The following POU3F1 variants were observed in gnomAD, a reference collection of about 807,000 sequenced individuals.
POU3F1 encodes the protein POU domain, class 3, transcription factor 1.
In POU3F1, 1 loss-of-function variant was observed where a neutral mutation model predicts 7.6. The ratio of observed to expected loss-of-function variants is 0.13; its 90% confidence interval spans 0.05 to 0.62. POU3F1 has a LOEUF of 0.62. Among genes scored for constraint, POU3F1 ranks in the 20% least tolerant of loss-of-function variants. The pLI, the probability that POU3F1 is intolerant of heterozygous loss-of-function variation, is 0.87. For missense variants in POU3F1, 505 were observed against 679.3 expected, an observed-to-expected ratio of 0.74 and a Z score of 2.85; for synonymous variants, 354 against 339.0, an observed-to-expected ratio of 1.04 and a Z score of -0.49.
At position 38,043,938 on chromosome 1, in the gene POU3F1, C is replaced by G. The variant is rs374636908; in HGVS notation, c.*1450G>C. Among the ~76,000 whole-genome samples the G allele has an allele frequency of 6.6e-6, 1 of 151,240 alleles. No individual in the cohort carries two copies. Among genetic ancestry groups the G allele is most frequent in the Admixed American group, 6.6e-5 (1 of 15,176 alleles). Reference sequence around the variant, plus strand: ...CAATAAAGATACAAAGAGAATGCACCGAAACATTGTTTCAAAAAATAATAA... The same window carrying G: ...CAATAAAGATACAAAGAGAATGCACGGAAACATTGTTTCAAAAAATAATAA... On this transcript the variant is annotated 3_prime_UTR_variant, in exon 1 of 1. Coordinates refer to ENST00000373012, the MANE Select transcript of POU3F1 (RefSeq NM_002699.4). This position sits in a 1 kb window ranked among gnomAD's most constrained non-coding sequence, Gnocchi z 4.5.
rs961993154 is a variant in POU3F1 at position 38,046,230 on chromosome 1, GGCC to G, written c.511_513del (p.Gly171del). The G allele has an allele frequency of 5.2e-5, 55 of 1,059,530 alleles. No individual in the cohort carries two copies. Among genetic ancestry groups the G allele is most frequent in the Middle Eastern group, 4.3e-4 (1 of 2,310 alleles). 65.6% of individuals were successfully genotyped at this position (1,059,530 alleles called of 1,614,324 possible). A position where few individuals can be genotyped will look rare whatever the true frequency, so the allele number is the denominator to read the frequency against. On this transcript the variant is annotated inframe_deletion, in exon 1 of 1. Transcript: ENST00000373012. This position sits in a 1 kb window ranked among gnomAD's most constrained non-coding sequence, Gnocchi z 9.5. The stretch of plus-strand genomic sequence containing the variant: ...CCGCCCGCCGCCAGCATCCCGGCCA[GGCC>G]GCCGCCGCCGCCCCCCGGGTAGGCC...
Position 38,045,812 on chromosome 1 carries a change from G to A in POU3F1, c.932C>T (p.Pro311Leu). Residue 311 changes from proline to leucine, a missense_variant, in exon 1 of 1, where the codon CCG becomes CTG. Coordinates refer to ENST00000373012, the MANE Select transcript of POU3F1 (RefSeq NM_002699.4). The surrounding 1 kb of genome is among the most constrained non-coding windows in gnomAD (Gnocchi z 9.4). Reference protein sequence around the residue: ...LSFKNMCKLKPLLNKWLEETD... With the variant: ...LSFKNMCKLKLLLNKWLEETD... The stretch of plus-strand genomic sequence containing the variant: ...CTCCTCCAGCCACTTGTTGAGCAGC[G>A]GCTTGAGCTTGCACATGTTCTTGAA... The A allele has an allele frequency of 6.2e-7, 1 of 1,614,006 alleles. No individual in the cohort carries two copies. The highest frequency in any genetic ancestry group is 8.5e-7 in the Non-Finnish European group (1 of 1,179,984).
Position 38,046,303 on chromosome 1 carries a change from G to A in POU3F1, c.441C>T (p.Ala147=), listed in dbSNP as rs1570515470. The A allele has an allele frequency of 8.5e-7, 1 of 1,182,490 alleles. No individual in the cohort carries two copies. The highest frequency in any genetic ancestry group is 4.1e-5 in the Admixed American group (1 of 24,260). 73.2% of individuals were successfully genotyped at this position (1,182,490 alleles called of 1,614,324 possible). The change falls in exon 1 of 1, where the codon GCC becomes GCT. Residue 147 remains alanine (A), a synonymous_variant. Transcript: ENST00000373012. This position sits in a 1 kb window ranked among gnomAD's most constrained non-coding sequence, Gnocchi z 9.5. ...LGPAMSPSPG[A]SGGHQPQPLG... The stretch of plus-strand genomic sequence containing the variant: ...GCGGCTGGGGCTGGTGGCCCCCGCT[G>A]GCCCCGGGCGAGGGCGACATGGCCG...
Position 38,045,922 on chromosome 1 carries a change from G to C in POU3F1, c.822C>G (p.Ala274=), listed in dbSNP as rs1349691309. The C allele has an allele frequency of 3.7e-6, 6 of 1,613,480 alleles. No homozygotes were observed. Among genetic ancestry groups the C allele is most frequent in the Non-Finnish European group, 4.2e-6 (5 of 1,179,980 alleles). ...QRRIKLGFTQ[A]DVGLALGTLY... ...GCGTGCCCAGCGCCAGCCCCACGTC[G>C]GCCTGCGTAAAGCCCAGCTTGATGC... The change falls in exon 1 of 1, where the codon GCC becomes GCG. Residue 274 remains alanine, a synonymous_variant. Coordinates refer to ENST00000373012, the MANE Select transcript of POU3F1 (RefSeq NM_002699.4). The surrounding 1 kb of genome is among the most constrained non-coding windows in gnomAD (Gnocchi z 9.4).
rs1646859257 is a variant in POU3F1 at position 38,046,107 on chromosome 1, G to C, written c.637C>G (p.His213Asp). The part of the protein sequence containing the change: ...SPPPHLGAHG[H>D]AHGHAHAGGL... The stretch of plus-strand genomic sequence containing the variant: ...CCCGCGTGTGCATGTCCGTGTGCGT[G>C]TCCGTGGGCGCCCAGATGCGGCGGC... The change falls in exon 1 of 1, where the codon CAC (histidine) becomes GAC (aspartate). Residue 213 changes from histidine to aspartate, a missense_variant. His to Asp is a moderately conservative substitution (Grantham distance 81, BLOSUM62 -1). Coordinates refer to ENST00000373012, the MANE Select transcript of POU3F1 (RefSeq NM_002699.4). This position sits in a 1 kb window ranked among gnomAD's most constrained non-coding sequence, Gnocchi z 9.5. The C allele has an allele frequency of 3.5e-6, 5 of 1,428,994 alleles. No individual in the cohort carries two copies. Among genetic ancestry groups the C allele is most frequent in the South Asian group, 1.4e-5 (1 of 70,814 alleles). The allele number at this position is 1,428,994 out of a possible 1,614,324, so 88.5% of individuals were successfully genotyped here. A position where few individuals can be genotyped will look rare whatever the true frequency, so the allele number is the denominator to read the frequency against.
chr1:38,046,649 G>T lies in POU3F1; in HGVS notation c.95C>A (p.Ala32Glu). Residue 32 changes from alanine (A) to glutamate (E), a missense_variant, in exon 1 of 1, where the codon GCG (alanine) becomes GAG (glutamate). This residue lies in a region of POU3F1 where 361 missense variants were observed against 382.1 expected (regional missense o/e 0.94). Transcript: ENST00000373012. The surrounding 1 kb of genome is among the most constrained non-coding windows in gnomAD (Gnocchi z 9.5). ...LMHPDAAAAAAAAAAAERLHA... is the reference protein window; with the variant it reads ...LMHPDAAAAAEAAAAAERLHA... ...CAATCGCTCCGCGGCCGCCGCCGCC[G>T]CCGCCGCCGCCGCGGCGTCCGGGTG... 7.7e-7 allele frequency: 1 copy of T among 1,304,282 alleles called. No homozygotes were observed. The highest frequency in any genetic ancestry group is 9.8e-7 in the Non-Finnish European group (1 of 1,023,862). The allele number at this position is 1,304,282 out of a possible 1,614,324, so 80.8% of individuals were successfully genotyped here. A position where few individuals can be genotyped will look rare whatever the true frequency, so the allele number is the denominator to read the frequency against.
At position 38,044,828 on chromosome 1, in the gene POU3F1, A is replaced by G. The variant is rs942436317; in HGVS notation, c.*560T>C. ...GAGCCGAGAGGCTCCACGAATAAAT[A>G]AAAACCGTAAAAAACCAAGCCCGGA... On this transcript the variant is annotated 3_prime_UTR_variant, in exon 1 of 1. Coordinates refer to ENST00000373012, the MANE Select transcript of POU3F1 (RefSeq NM_002699.4). The G allele has an allele frequency of 3.9e-5, 6 of 151,998 alleles. No homozygotes were observed. Among genetic ancestry groups the G allele is most frequent in the African/African-American group, 1.5e-4 (6 of 41,358 alleles). The allele number at this position is 151,998 out of a possible 1,614,324, so 9.4% of individuals were successfully genotyped here. A position where few individuals can be genotyped will look rare whatever the true frequency, so the allele number is the denominator to read the frequency against.
In POU3F1 at chr1:38,046,273, C is replaced by T; in HGVS notation, c.471G>A (p.Gly157=). ...CCGGGTAGGCCGCCTGCGCGTACAG[C>T]CCGAGCGGCTGGGGCTGGTGGCCCC... ...ASGGHQPQPL[G]LYAQAAYPGG... The change falls in exon 1 of 1, where the codon GGG becomes GGA. Residue 157 remains glycine, a synonymous_variant. Transcript: ENST00000373012. This position sits in a 1 kb window ranked among gnomAD's most constrained non-coding sequence, Gnocchi z 9.5. The T allele has an allele frequency of 8.9e-7, 1 of 1,120,998 alleles. No individual in the cohort carries two copies. Among genetic ancestry groups the T allele is most frequent in the Non-Finnish European group, 1.1e-6 (1 of 922,182 alleles). The allele number at this position is 1,120,998 out of a possible 1,614,324, so 69.4% of individuals were successfully genotyped here. A position where few individuals can be genotyped will look rare whatever the true frequency, so the allele number is the denominator to read the frequency against.
rs968308474 is a variant in POU3F1 at position 38,046,639 on chromosome 1, C to A, written c.105G>T (p.Ala35=). The change falls in exon 1 of 1, where the codon GCG becomes GCT. Residue 35 remains alanine (A), a synonymous_variant. Coordinates refer to ENST00000373012, the MANE Select transcript of POU3F1 (RefSeq NM_002699.4). This position sits in a 1 kb window ranked among gnomAD's most constrained non-coding sequence, Gnocchi z 9.5. ...CCCCTGCATGCAATCGCTCCGCGGCCGCCGCCGCCGCCGCCGCCGCCGCGG... is the reference window on the plus strand; with the variant it reads ...CCCCTGCATGCAATCGCTCCGCGGCAGCCGCCGCCGCCGCCGCCGCCGCGG... ...PDAAAAAAAA[A]AAERLHAGAA... is the part of the protein sequence containing the mutation. The A allele has an allele frequency of 4.3e-6, 5 of 1,161,510 alleles. No homozygotes were observed. Among genetic ancestry groups the A allele is most frequent in the Non-Finnish European group, 4.3e-6 (4 of 923,822 alleles). 72.0% of individuals were successfully genotyped at this position (1,161,510 alleles called of 1,614,324 possible).
At position 38,045,740 on chromosome 1, in the gene POU3F1, G is replaced by T; in HGVS notation, c.1004C>A (p.Ala335Glu). ...GCGCTTCTTGCGCTTGCGGCCCTGCGCCGCGATCTTGTCCAGGTTGGTGGG... is the reference window on the plus strand; with the variant it reads ...GCGCTTCTTGCGCTTGCGGCCCTGCTCCGCGATCTTGTCCAGGTTGGTGGG... ...GSPTNLDKIA[A>E]QGRKRKKRTS... Residue 335 changes from alanine (A) to glutamate (E), a missense_variant, in exon 1 of 1, where the codon GCG becomes GAG. This residue lies in a region of POU3F1 where 22 missense variants were observed against 23.0 expected (regional missense o/e 0.96). Coordinates refer to ENST00000373012, the MANE Select transcript of POU3F1 (RefSeq NM_002699.4). This position sits in a 1 kb window ranked among gnomAD's most constrained non-coding sequence, Gnocchi z 9.4. The T allele has an allele frequency of 6.2e-7, 1 of 1,613,484 alleles. No homozygotes were observed. The highest frequency in any genetic ancestry group is 8.5e-7 in the Non-Finnish European group (1 of 1,179,818).
Position 38,044,711 on chromosome 1 carries a change from C to G in POU3F1, c.*677G>C, listed in dbSNP as rs1449924728. The G allele has an allele frequency of 6.6e-6, 1 of 151,218 alleles. No individual in the cohort carries two copies. The highest frequency in any genetic ancestry group is 1.5e-5 in the Non-Finnish European group (1 of 67,946). 9.4% of individuals were successfully genotyped at this position (151,218 alleles called of 1,614,324 possible). Reference sequence around the variant, plus strand: ...GCTATTTCCTGCTTTTATACACAGACGCGGCTCTCGCGACCTCCCCTCCGG... The same window carrying G: ...GCTATTTCCTGCTTTTATACACAGAGGCGGCTCTCGCGACCTCCCCTCCGG... On this transcript the variant is annotated 3_prime_UTR_variant, in exon 1 of 1. Coordinates refer to ENST00000373012, the MANE Select transcript of POU3F1 (RefSeq NM_002699.4).
Position 38,046,531 on chromosome 1 carries a change from G to A in POU3F1, c.213C>T (p.Pro71=). 1 of 1,379,408 alleles carries A rather than the reference G, an allele frequency of 7.2e-7. No individual in the cohort carries two copies. Among genetic ancestry groups the A allele is most frequent in the Non-Finnish European group, 9.4e-7 (1 of 1,065,562 alleles). The allele number at this position is 1,379,408 out of a possible 1,614,324, so 85.4% of individuals were successfully genotyped here. Residue 71 remains proline (P), a synonymous_variant, in exon 1 of 1, where the codon CCC becomes CCT. Transcript: ENST00000373012. This position sits in a 1 kb window ranked among gnomAD's most constrained non-coding sequence, Gnocchi z 9.5. The part of the protein sequence containing the change: ...GAGHPVGLAH[P]QWLPTGGGGG... The stretch of plus-strand genomic sequence containing the variant: ...CGCCTCCTCCCGTGGGTAGCCACTG[G>A]GGGTGCGCTAGGCCCACGGGGTGGC...
At position 38,046,525 on chromosome 1, in the gene POU3F1, C is replaced by T; in HGVS notation, c.219G>A (p.Trp73Ter). 7.2e-7 allele frequency: 1 copy of T among 1,383,296 alleles called. No homozygotes were observed. The highest frequency in any genetic ancestry group is 9.4e-7 in the Non-Finnish European group (1 of 1,067,244). 85.7% of individuals were successfully genotyped at this position (1,383,296 alleles called of 1,614,324 possible). A position where few individuals can be genotyped will look rare whatever the true frequency, so the allele number is the denominator to read the frequency against. ...GHPVGLAHPQ[W>*]LPTGGGGGGD... Reference sequence around the variant, plus strand: ...CGCCGCCGCCTCCTCCCGTGGGTAGCCACTGGGGGTGCGCTAGGCCCACGG... The same window carrying T: ...CGCCGCCGCCTCCTCCCGTGGGTAGTCACTGGGGGTGCGCTAGGCCCACGG... The change falls in exon 1 of 1, where the codon TGG becomes TGA. Residue 73 changes from tryptophan (W) to a stop codon, truncating the protein, a stop_gained. Coordinates refer to ENST00000373012, the MANE Select transcript of POU3F1 (RefSeq NM_002699.4). LOFTEE classifies it low-confidence loss of function (END_TRUNC). This position sits in a 1 kb window ranked among gnomAD's most constrained non-coding sequence, Gnocchi z 9.5.
In POU3F1 at chr1:38,045,744, C is replaced by T; in HGVS notation, c.1000G>A (p.Ala334Thr). Residue 334 changes from alanine to threonine, a missense_variant, in exon 1 of 1, where the codon GCG (alanine) becomes ACG (threonine). This residue lies in a region of POU3F1 where 22 missense variants were observed against 23.0 expected (regional missense o/e 0.96). Transcript: ENST00000373012. The surrounding 1 kb of genome is among the most constrained non-coding windows in gnomAD (Gnocchi z 9.4). ...TTCTTGCGCTTGCGGCCCTGCGCCG[C>T]GATCTTGTCCAGGTTGGTGGGGCTG... The part of the protein sequence containing the change: ...SGSPTNLDKI[A>T]AQGRKRKKRT... The T allele has an allele frequency of 6.2e-7, 1 of 1,613,516 alleles. No homozygotes were observed. The highest frequency in any genetic ancestry group is 8.5e-7 in the Non-Finnish European group (1 of 1,179,822).
Position 38,046,434 on chromosome 1 carries a change from C to T in POU3F1, c.310G>A (p.Asp104Asn). 2 of 1,301,186 alleles carry T rather than the reference C, an allele frequency of 1.5e-6. No individual in the cohort carries two copies. Among genetic ancestry groups the T allele is most frequent in the Non-Finnish European group, 1.9e-6 (2 of 1,026,210 alleles). 80.6% of individuals were successfully genotyped at this position (1,301,186 alleles called of 1,614,324 possible). The change falls in exon 1 of 1, where the codon GAC becomes AAC. Residue 104 changes from aspartate (D) to asparagine (N), a missense_variant. Transcript: ENST00000373012. The surrounding 1 kb of genome is among the most constrained non-coding windows in gnomAD (Gnocchi z 9.5). ...AAACCTCCGCCGCCGCCGCCGTCGTCGGCTCGGCCGGTGCCGCCGCCGCCT... is the reference window on the plus strand; with the variant it reads ...AAACCTCCGCCGCCGCCGCCGTCGTTGGCTCGGCCGGTGCCGCCGCCGCCT... ...KAGGGGTGRA[D>N]DGGGGGGFHA... is the part of the protein sequence containing the mutation.
rs1646865506 is a variant in POU3F1, at chr1:38,046,749, CCCGCGCCCTGCGCCGCG to C, written c.-23_-7del. ...TACTGCGCGGTGGTGGCCATGCCGC[CCCGCGCCCTGCGCCGCG>C]CCGCCGCCGCCGCTCCGCTCCGTCT... is the stretch of plus-strand genomic sequence containing the variant. On this transcript the variant is annotated 5_prime_UTR_variant, in exon 1 of 1. Coordinates refer to ENST00000373012, the MANE Select transcript of POU3F1 (RefSeq NM_002699.4). The surrounding 1 kb of genome is among the most constrained non-coding windows in gnomAD (Gnocchi z 9.5). 4 of 999,748 alleles carry C rather than the reference CCCGCGCCCTGCGCCGCG, an allele frequency of 4.0e-6. No homozygotes were observed. In the South Asian group the frequency reaches 1.8e-4, roughly 45 times the overall value. The allele number at this position is 999,748 out of a possible 1,614,324, so 61.9% of individuals were successfully genotyped here. A position where few individuals can be genotyped will look rare whatever the true frequency, so the allele number is the denominator to read the frequency against.
chr1:38,044,627 G>T lies in POU3F1; in HGVS notation c.*761C>A, dbSNP rs1646848043. 1 of 151,458 alleles carries T rather than the reference G, an allele frequency of 6.6e-6. No homozygotes were observed. The highest frequency in any genetic ancestry group is 2.1e-4 in the South Asian group (1 of 4,810). 9.4% of individuals were successfully genotyped at this position (151,458 alleles called of 1,614,324 possible). On this transcript the variant is annotated 3_prime_UTR_variant, in exon 1 of 1. Coordinates refer to ENST00000373012, the MANE Select transcript of POU3F1 (RefSeq NM_002699.4). ...TTTTTTTTTTTTGCTTTTTTTTGGG[G>T]GGAGGGTAGGGTAGGGAAATATAAG... is the stretch of plus-strand genomic sequence containing the variant.
Position 38,045,736 on chromosome 1 carries a change from C to G in POU3F1, c.1008G>C (p.Gln336His). Residue 336 changes from glutamine (Q) to histidine (H), a missense_variant, in exon 1 of 1, where the codon CAG (glutamine) becomes CAC (histidine). Physicochemically the swap from Gln to His is conservative, Grantham distance 24 (BLOSUM62 0). Coordinates refer to ENST00000373012, the MANE Select transcript of POU3F1 (RefSeq NM_002699.4). This position sits in a 1 kb window ranked among gnomAD's most constrained non-coding sequence, Gnocchi z 9.4. Reference sequence around the variant, plus strand: ...ACGTGCGCTTCTTGCGCTTGCGGCCCTGCGCCGCGATCTTGTCCAGGTTGG... The same window carrying G: ...ACGTGCGCTTCTTGCGCTTGCGGCCGTGCGCCGCGATCTTGTCCAGGTTGG... ...SPTNLDKIAA[Q>H]GRKRKKRTSI... 1.2e-6 allele frequency: 2 copies of G among 1,613,494 alleles called. No individual in the cohort carries two copies. Among genetic ancestry groups the G allele is most frequent in the Non-Finnish European group, 1.7e-6 (2 of 1,179,802 alleles).
In POU3F1 at chr1:38,046,534, G is replaced by A. The variant is rs751486731; in HGVS notation, c.210C>T (p.His70=). ...CTCCTCCCGTGGGTAGCCACTGGGG[G>A]TGCGCTAGGCCCACGGGGTGGCCCG... ...AGAGHPVGLA[H]PQWLPTGGGG... is the part of the protein sequence containing the mutation. The change falls in exon 1 of 1, where the codon CAC becomes CAT. Residue 70 remains histidine, a synonymous_variant. Transcript: ENST00000373012. This position sits in a 1 kb window ranked among gnomAD's most constrained non-coding sequence, Gnocchi z 9.5. 10 of 1,377,158 alleles carry A rather than the reference G, an allele frequency of 7.3e-6. No individual in the cohort carries two copies. The Admixed American group carries it at 1.5e-4, about 21-fold the overall frequency. The allele number at this position is 1,377,158 out of a possible 1,614,324, so 85.3% of individuals were successfully genotyped here.
Sources: allele counts gnomAD v4.1 joint callset (sites outside exome capture counted in the v4.1 genomes callset), GRCh38; gene constraint gnomAD v4.1.1; regional missense constraint gnomAD v4.1.1; non-coding constraint Gnocchi (gnomAD v3.1); transcripts MANE v1.5; gene names NCBI Gene and HGNC (gene_info 2026-07-23, HGNC 2026-07-21).